ZFAND3: variants seen among roughly 807,000 people sequenced by gnomAD.
ZFAND3 encodes the protein AN1-type zinc finger protein 3.
ZFAND3 carries 10 observed loss-of-function variants against 29.6 expected under a neutral mutation model. The observed-to-expected ratio is 0.34, with a 90% CI of 0.21 to 0.57. ZFAND3 has a LOEUF of 0.57. Ranked by LOEUF, ZFAND3 falls within the 20% of genes least tolerant of loss-of-function variation. The pLI, the probability that ZFAND3 is intolerant of heterozygous loss-of-function variation, is 0.86. For missense variants in ZFAND3, 230 were observed against 304.5 expected (o/e 0.76, Z 1.82); for synonymous variants, 128 against 112.6 (o/e 1.14, Z -0.87).
chr6:37,931,216 G>T (rs1761588364), intron 2 of ZFAND3, among the ~76,000 whole-genome samples: 1 of 152,164 alleles, frequency 6.6e-6, no homozygotes, highest in Non-Finnish European at 1.5e-5. Flanking sequence ...AGGATTCACA[G>T]TTGTAAGCCC....
In ZFAND3 at chr6:38,029,475, C is replaced by A. The variant is rs553601518; in HGVS notation, c.113-32118C>A. Among the ~76,000 whole-genome samples, 29 of 152,212 alleles carry A rather than the reference C, an allele frequency of 1.9e-4. No homozygotes were observed. In the South Asian group the frequency reaches 6.0e-3, roughly 32 times the overall value. ...GTCTTCCTTGTGATTTCTTTTCTTT[C>A]TCTTAAGTATTCATTTGGATCTCTC... On this transcript the variant is annotated intron_variant, in intron 2 of 5. Transcript: ENST00000287218.
intron 1 of ZFAND3, among the ~76,000 whole-genome samples, chr6:37,867,767 T>TGAC (rs1764615068): frequency 6.6e-6 from 1 of 152,192 alleles, no homozygotes; most frequent in Admixed American, 6.5e-5. Context: ...GTTCCCAAAG[T>TGAC]ATGCTTTGTA....
chr6:38,064,485 A>G (rs1581887046), intron 3 of ZFAND3, among the ~76,000 whole-genome samples: 1 of 152,344 alleles, frequency 6.6e-6, no homozygotes, highest in African/African-American at 2.4e-5. Context: ...AAATTTAGGC[A>G]TTTGGCTTCA....
intron 4 of ZFAND3, among the ~76,000 whole-genome samples, chr6:38,098,047 T>C (rs1035260047): frequency 1.3e-5 from 2 of 152,186 alleles, no homozygotes; most frequent in Admixed American, 1.3e-4. Flanking sequence ...TTTGTTGTAT[T>C]GCTTTTTTCT....
At chr6:38,087,827 G>A (rs754490967) in intron 4 of ZFAND3, among the ~76,000 whole-genome samples, 18 of 152,184 alleles carry the variant, frequency 1.2e-4, no homozygotes, top group Non-Finnish European at 2.5e-4. Flanking sequence ...CCATTCCACT[G>A]CTGGGTACAT....
chr6:37,938,715 G>T (rs73421408), intron 2 of ZFAND3, among the ~76,000 whole-genome samples: 49 of 152,234 alleles, frequency 3.2e-4, no homozygotes, highest in African/African-American at 1.1e-3. Context: ...TAAATTGTGT[G>T]GTTAATTATT....
At chr6:37,901,094 G>GAA (rs1765311263) in intron 1 of ZFAND3, among the ~76,000 whole-genome samples, 1 of 152,138 alleles carries the variant, frequency 6.6e-6, no homozygotes, top group Non-Finnish European at 1.5e-5. Context: ...GGCTACTGTG[G>GAA]TGTTAGAGGT....
intron 2 of ZFAND3, among the ~76,000 whole-genome samples, chr6:38,021,295 G>A (rs1490899207): frequency 6.6e-6 from 1 of 152,248 alleles, no homozygotes; most frequent in East Asian, 1.9e-4. Flanking sequence ...AAGCCAGTGA[G>A]CATTAAAGTC....
At chr6:38,113,350 C>G (rs776059304) in intron 4 of ZFAND3, among the ~76,000 whole-genome samples, 2 of 152,096 alleles carry the variant, frequency 1.3e-5, no homozygotes, top group Non-Finnish European at 2.9e-5. Flanking sequence ...TATATCATAC[C>G]AGAAGCTGTG....
chr6:37,894,908 T>C (rs1435885809), intron 1 of ZFAND3, among the ~76,000 whole-genome samples: 7 of 152,220 alleles, frequency 4.6e-5, no homozygotes, highest in Non-Finnish European at 7.3e-5. Context: ...AATGTGATTT[T>C]CCTGGCTGCT....
chr6:37,899,087 G>T (rs1561926867), intron 1 of ZFAND3, among the ~76,000 whole-genome samples: 1 of 152,082 alleles, frequency 6.6e-6, no homozygotes, highest in African/African-American at 2.4e-5. Flanking sequence ...TTTTAGTAGA[G>T]ACGGGGTTTC....
intron 2 of ZFAND3, among the ~76,000 whole-genome samples, chr6:37,989,978 C>G (rs1289193913): frequency 6.6e-6 from 1 of 152,252 alleles, no homozygotes; most frequent in East Asian, 1.9e-4. Flanking sequence ...ATAACGGAGA[C>G]GAGCCTTGTC....
intron 1 of ZFAND3, among the ~76,000 whole-genome samples, chr6:37,927,116 G>A (rs969509228): frequency 1.3e-5 from 2 of 152,174 alleles, no homozygotes; most frequent in Admixed American, 6.5e-5. Context: ...TATCCAGAAT[G>A]TGGAATGGAT....
intron 2 of ZFAND3, among the ~76,000 whole-genome samples, chr6:38,023,186 C>T (rs1763382992): frequency 6.6e-6 from 1 of 152,156 alleles, no homozygotes; most frequent in Non-Finnish European, 1.5e-5. Context: ...GACACTGAAT[C>T]AAGGAGGGTT....
At chr6:37,961,664 AAG>A (rs1762200879) in intron 2 of ZFAND3, among the ~76,000 whole-genome samples, 1 of 152,228 alleles carries the variant, frequency 6.6e-6, no homozygotes, top group South Asian at 2.1e-4. Context: ...CAGAGAGAGA[AAG>A]AGATTCTATT....
intron 1 of ZFAND3, among the ~76,000 whole-genome samples, chr6:37,831,014 C>A (rs1428961833): frequency 6.6e-6 from 1 of 152,144 alleles, no homozygotes; most frequent in Non-Finnish European, 1.5e-5. Flanking sequence ...GAAGGGCATA[C>A]TGATCTCTTA....
chr6:37,874,514 CA>C (rs11447694), intron 1 of ZFAND3, among the ~76,000 whole-genome samples: 3,557 of 79,720 alleles, frequency 0.045, 32 homozygotes, highest in Middle Eastern at 0.068. Flanking sequence ...AACTCCGTCT[CA>C]AAAAAAAAAA....
intron 2 of ZFAND3, among the ~76,000 whole-genome samples, chr6:38,024,103 C>T (rs1763401307): frequency 6.6e-6 from 1 of 152,138 alleles, no homozygotes; most frequent in Non-Finnish European, 1.5e-5. Flanking sequence ...GTTCAGTATT[C>T]CTTTCTTTAA....
chr6:38,012,966 A>G (rs1763185228), intron 2 of ZFAND3, among the ~76,000 whole-genome samples: 1 of 152,172 alleles, frequency 6.6e-6, no homozygotes, highest in Non-Finnish European at 1.5e-5. Flanking sequence ...TACCTTAAAT[A>G]TCAACATTGG....
Sources: gnomAD v4.1 joint callset for allele counts (sites outside exome capture counted in the v4.1 genomes callset) on GRCh38, gnomAD v4.1.1 for gene constraint, MANE v1.5 for transcripts, NCBI Gene and HGNC (gene_info 2026-07-23, HGNC 2026-07-21) for gene names.